FER: variants seen among roughly 807,000 people sequenced by gnomAD.
The protein encoded by FER is tyrosine-protein kinase Fer.
Under a neutral mutation model 111.0 loss-of-function variants are expected in FER, and 63 were observed. The observed-to-expected ratio is 0.57, with a 90% CI of 0.46 to 0.70. The LOEUF (loss-of-function observed/expected upper bound fraction) is 0.70, where lower values mean the gene tolerates loss of function less well. Among genes scored for constraint, FER ranks in the 30% least tolerant of loss-of-function variants. The probability of loss-of-function intolerance (pLI) is 0.00; values close to 1 mark genes in which losing one functional copy is unlikely to be tolerated. For missense variants in FER, 914 were observed against 954.0 expected (o/e 0.96, Z 0.55); for synonymous variants, 327 against 313.9 (o/e 1.04, Z -0.44).
At chr5:108,955,462 A>G (rs1045503805) in intron 12 of FER, among the ~76,000 whole-genome samples, 2 of 151,894 alleles carry the variant, frequency 1.3e-5, no homozygotes, top group African/African-American at 4.8e-5. Context: ...TTAATGAAGA[A>G]TTAAAAATCT....
intron 3 of FER, among the ~76,000 whole-genome samples, chr5:108,800,034 G>A: frequency 6.6e-6 from 1 of 151,536 alleles, no homozygotes; most frequent in Non-Finnish European, 1.5e-5. Context: ...GTGCAGATGG[G>A]GTTTCATCAT....
chr5:109,079,544 C>T (rs1217731420), intron 16 of FER, among the ~76,000 whole-genome samples: 1 of 152,060 alleles, frequency 6.6e-6, no homozygotes, highest in Non-Finnish European at 1.5e-5. Flanking sequence ...TTTAGCTTTC[C>T]TCATTTTTTT....
intron 16 of FER, among the ~76,000 whole-genome samples, chr5:109,067,455 A>G (rs953321173): frequency 1.3e-5 from 2 of 151,890 alleles, no homozygotes; most frequent in African/African-American, 4.8e-5. Flanking sequence ...GAGCTTTTTT[A>G]TGCAAATGGA....
At chr5:109,049,791 G>A (rs1176182531) in intron 16 of FER, among the ~76,000 whole-genome samples, 1 of 152,166 alleles carries the variant, frequency 6.6e-6, no homozygotes, top group Non-Finnish European at 1.5e-5. Context: ...AGTCGTCTGT[G>A]ATGAGTTTTA....
At chr5:108,991,080 T>C (rs186174852) in intron 13 of FER, among the ~76,000 whole-genome samples, 141 of 151,610 alleles carry the variant, frequency 9.3e-4, no homozygotes, top group African/African-American at 3.1e-3. Flanking sequence ...AATATATATC[T>C]TAAACAGGGG....
chr5:109,002,179 A>G (rs1473579162), intron 13 of FER, among the ~76,000 whole-genome samples: 1 of 151,754 alleles, frequency 6.6e-6, no homozygotes, highest in African/African-American at 2.4e-5. Flanking sequence ...CTCCTAAGCC[A>G]AAAGAACAAA....
chr5:109,162,097 G>A (rs1286759667), intron 17 of FER, among the ~76,000 whole-genome samples: 1 of 152,034 alleles, frequency 6.6e-6, no homozygotes, highest in Non-Finnish European at 1.5e-5. Context: ...TAACAGAGTT[G>A]TTTGGTTTTT....
chr5:108,970,131 G>A (rs958783452), intron 13 of FER, among the ~76,000 whole-genome samples: 3 of 148,398 alleles, frequency 2.0e-5, no homozygotes, highest in Non-Finnish European at 2.9e-5. Context: ...ATGTGTGTGC[G>A]TAACTAAAAC....
chr5:108,858,758 GT>G (rs1277239393), intron 5 of FER, among the ~76,000 whole-genome samples: 1 of 135,310 alleles, frequency 7.4e-6, no homozygotes, highest in African/African-American at 2.9e-5. Context: ...TTGGTAGACA[GT>G]TTTTTCATTT....
At chr5:108,906,019 C>A (rs752340649) in intron 10 of FER, among the ~76,000 whole-genome samples, 1 of 152,170 alleles carries the variant, frequency 6.6e-6, no homozygotes, top group Non-Finnish European at 1.5e-5. Flanking sequence ...AGCCAGACTT[C>A]TTTGGTTTGA....
At chr5:109,093,113 A>G (rs1253259326) in intron 16 of FER, among the ~76,000 whole-genome samples, 2 of 152,176 alleles carry the variant, frequency 1.3e-5, no homozygotes, top group Non-Finnish European at 2.9e-5. Flanking sequence ...AAGGGAAAAC[A>G]GTGTTGTTGT....
At chr5:109,124,587 T>TTG (rs1561925786) in intron 17 of FER, among the ~76,000 whole-genome samples, 1 of 150,070 alleles carries the variant, frequency 6.7e-6, no homozygotes, top group South Asian at 2.1e-4. Flanking sequence ...TTTTAATAGT[T>TTG]TTGTTGTTGT....
chr5:109,015,965 G>T (rs1767051960), intron 13 of FER, among the ~76,000 whole-genome samples: 1 of 151,916 alleles, frequency 6.6e-6, no homozygotes, highest in African/African-American at 2.4e-5. Context: ...GCTCCTGAAT[G>T]GGGGTGATTA....
rs556975417 is a variant in FER, at chr5:108,770,943, A to T, written c.-60+2705A>T. ...CTTTCATTTTTTTCTCTGAAAAAAAATTTTTTTTTTTGAGATGGAGTCTCA... is the reference window on the plus strand; with the variant it reads ...CTTTCATTTTTTTCTCTGAAAAAAATTTTTTTTTTTTGAGATGGAGTCTCA... On this transcript the variant is annotated intron_variant, in intron 2 of 19. Coordinates refer to ENST00000281092, the MANE Select transcript of FER (RefSeq NM_005246.4). 1.3e-4 allele frequency among the ~76,000 whole-genome samples: 19 copies of T among 147,696 alleles called. No individual in the cohort carries two copies. The South Asian group carries it at 1.7e-3, about 13-fold the overall frequency.
chr5:109,048,969 C>T (rs537080636), intron 16 of FER, among the ~76,000 whole-genome samples: 1 of 151,944 alleles, frequency 6.6e-6, no homozygotes, highest in Admixed American at 6.6e-5. Context: ...TCAACCGCAA[C>T]TTTATTTGTG....
intron 13 of FER, among the ~76,000 whole-genome samples, chr5:108,961,807 A>G (rs1228933816): frequency 6.6e-6 from 1 of 152,146 alleles, no homozygotes; most frequent in Non-Finnish European, 1.5e-5. Flanking sequence ...TCTGTTACTT[A>G]TCTTCCTTTG....
intron 10 of FER, among the ~76,000 whole-genome samples, chr5:108,912,383 CAG>C (rs1751679109): frequency 6.6e-6 from 1 of 152,080 alleles, no homozygotes; most frequent in Admixed American, 6.6e-5. Flanking sequence ...TTTCTTGAGA[CAG>C]AGTCTCGCTC....
chr5:108,922,867 A>G (rs1486049594), intron 10 of FER, among the ~76,000 whole-genome samples: 2 of 152,152 alleles, frequency 1.3e-5, no homozygotes, highest in African/African-American at 4.8e-5. Context: ...GCAAAAGAAT[A>G]CCTTTGGTGA....
intron 16 of FER, among the ~76,000 whole-genome samples, chr5:109,054,117 G>A (rs1184324477): frequency 6.6e-6 from 1 of 152,096 alleles, no homozygotes; most frequent in South Asian, 2.1e-4. Flanking sequence ...GCCTTCATCT[G>A]GACAAATGCT....
Sources: allele counts gnomAD v4.1 joint callset (sites outside exome capture counted in the v4.1 genomes callset), GRCh38; gene constraint gnomAD v4.1.1; transcripts MANE v1.5; gene names NCBI Gene and HGNC (gene_info 2026-07-23, HGNC 2026-07-21).